Variants in CAPN1 observed in about 807,000 individuals in gnomAD.
CAPN1 encodes the protein calpain-1 catalytic subunit.
Under a neutral mutation model 105.2 loss-of-function variants are expected in CAPN1, and 77 were observed. That is an observed-to-expected ratio of 0.73 (90% CI 0.61 to 0.88). The LOEUF (loss-of-function observed/expected upper bound fraction) is 0.88. Ranked by LOEUF, CAPN1 falls within the 40% of genes least tolerant of loss-of-function variation. CAPN1 has a pLI of 0.00. For synonymous variants in CAPN1, 355 were observed against 388.8 expected (o/e 0.91, Z 1.02); for missense variants, 833 against 976.6 (o/e 0.85, Z 1.96).
Position 65,187,888 on chromosome 11 carries a change from T to G in CAPN1, c.844-67T>G, listed in dbSNP as rs1590851028. The G allele has an allele frequency of 2.6e-6, 3 of 1,156,992 alleles. No homozygotes were observed. In the East Asian group the frequency reaches 7.9e-5, roughly 30 times the overall value. 71.7% of individuals were successfully genotyped at this position (1,156,992 alleles called of 1,614,324 possible). On this transcript the variant is annotated intron_variant, in intron 7 of 21. Transcript: ENST00000279247. ...GCCTGGGTGACAGAGCAAGACTCTG[T>G]CTCAAAAAAGAAAAAAAAAAAAAGT...
upstream of CAPN1, chr11:65,181,857 G>A (rs1217700784): frequency 5.9e-6 from 1 of 169,238 alleles, no homozygotes; most frequent in Non-Finnish European, 1.3e-5. The surrounding 1 kb of genome is among the most constrained non-coding windows in gnomAD (Gnocchi z 4.6). Flanking sequence ...GGAGCCCCAG[G>A]AGGAGGAGGA....
chr11:65,186,561 T>A (rs1948637110), intron 6 of CAPN1, among the ~76,000 whole-genome samples: 1 of 151,992 alleles, frequency 6.6e-6, no homozygotes, highest in African/African-American at 2.4e-5. Flanking sequence ...ACACCTCAGC[T>A]CTTTCCTGTG....
intron 12 of CAPN1, 52 bp from the exon 13 acceptor site, chr11:65,206,411 A>AG: frequency 6.8e-7 from 1 of 1,460,800 alleles, no homozygotes; most frequent in Non-Finnish European, 9.6e-7. Flanking sequence ...GTGGCCCCTG[A>AG]GGGTGGGCTG....
In CAPN1 at chr11:65,187,268, C is replaced by T. The variant is rs1459397523; in HGVS notation, c.813C>T (p.Gly271=). The T allele has an allele frequency of 1.9e-6, 3 of 1,613,096 alleles. No individual in the cohort carries two copies. Among genetic ancestry groups the T allele is most frequent in the Non-Finnish European group, 2.5e-6 (3 of 1,179,442 alleles). Residue 271 remains glycine (G), a synonymous_variant, in exon 7 of 22, where the codon GGC becomes GGT. Coordinates refer to ENST00000279247, the MANE Select transcript of CAPN1 (RefSeq NM_005186.4). ...TCACTTTCAAGAAGTTGGTGAAGGG[C>T]CATGCCTACTCTGTGACCGGGGCCA... ...EAITFKKLVK[G]HAYSVTGAKQ...
At position 65,208,489 on chromosome 11, in the gene CAPN1, G is replaced by T; in HGVS notation, c.1729+227G>T. On this transcript the variant is annotated intron_variant, in intron 16 of 21. Transcript: ENST00000279247. The surrounding 1 kb of genome is among the most constrained non-coding windows in gnomAD (Gnocchi z 4.1). Reference sequence around the variant, plus strand: ...GTGCTGTGCCTTTGTGGGATTAGCAGCGCAGCCTGGCCAGGCACAGTGGCT... The same window carrying T: ...GTGCTGTGCCTTTGTGGGATTAGCATCGCAGCCTGGCCAGGCACAGTGGCT... The T allele has an allele frequency of 1.7e-6, 1 of 596,126 alleles. No homozygotes were observed. The highest frequency in any genetic ancestry group is 2.7e-5 in the Admixed American group (1 of 37,076). The allele number at this position is 596,126 out of a possible 1,614,324, so 36.9% of individuals were successfully genotyped here. A position where few individuals can be genotyped will look rare whatever the true frequency, so the allele number is the denominator to read the frequency against.
At position 65,208,091 on chromosome 11, in the gene CAPN1, A is replaced by G; in HGVS notation, c.1642A>G (p.Lys548Glu). 6.2e-7 allele frequency: 1 copy of G among 1,607,450 alleles called. No homozygotes were observed. The highest frequency in any genetic ancestry group is 1.1e-5 in the South Asian group (1 of 89,522). The change falls in exon 15 of 22, where the codon AAG becomes GAG. Residue 548 changes from lysine to glutamate, a missense_variant. By Grantham distance (56) the Lys-to-Glu change is moderately conservative (BLOSUM62 1). Coordinates refer to ENST00000279247, the MANE Select transcript of CAPN1 (RefSeq NM_005186.4). The surrounding 1 kb of genome is among the most constrained non-coding windows in gnomAD (Gnocchi z 4.1). ...AGAAGAGGAGATTGACGAGAACTTC[A>G]AGGCCCTCTTCAGGCAGCTGGCAGG... is the stretch of plus-strand genomic sequence containing the variant. ...LSEEEIDENF[K>E]ALFRQLAGED...
chr11:65,183,126 A>T lies in CAPN1; in HGVS notation c.268-2A>T. On this transcript the variant is annotated splice_acceptor_variant, in intron 2 of 21. Coordinates refer to ENST00000279247, the MANE Select transcript of CAPN1 (RefSeq NM_005186.4). LOFTEE classifies it high-confidence loss of function. ...AGGAACAGGACTCTGGGTCTCTCGT[A>T]GGAACTGCTGTCAAACCCCCAGTTC... The T allele has an allele frequency of 6.2e-7, 1 of 1,613,878 alleles. No homozygotes were observed.
intron 10 of CAPN1, among the ~76,000 whole-genome samples, chr11:65,193,175 T>A (rs1347768362): frequency 6.8e-6 from 1 of 146,428 alleles, no homozygotes; most frequent in Non-Finnish European, 1.5e-5. Context: ...GTATTTTTAG[T>A]AGAGATGGGG....
At chr11:65,187,846 C>T (rs377421335) in intron 7 of CAPN1, 109 bp from the exon 8 acceptor site, 28 of 726,766 alleles carry the variant, frequency 3.9e-5, no homozygotes, top group Middle Eastern at 3.7e-4. Flanking sequence ...GAGCTGAGAT[C>T]GCACCACTGC....
chr11:65,188,755 G>A lies in CAPN1; in HGVS notation c.1165+9G>A. 12 of 1,553,696 alleles carry A rather than the reference G, an allele frequency of 7.7e-6. No homozygotes were observed. Among genetic ancestry groups the A allele is most frequent in the Non-Finnish European group, 9.6e-6 (11 of 1,148,420 alleles). On this transcript the variant is annotated intron_variant, in intron 10 of 21. Coordinates refer to ENST00000279247, the MANE Select transcript of CAPN1 (RefSeq NM_005186.4). This position sits in a 1 kb window ranked among gnomAD's most constrained non-coding sequence, Gnocchi z 5.5. ...CTGCCGAAACTACCCAGGTGCACAG[G>A]GGCGGGCTCTGGGTCTTGCTGCTTC...
chr11:65,210,395 C>T lies in CAPN1; in HGVS notation c.2002C>T (p.Leu668=). The change falls in exon 20 of 22, where the codon CTG becomes TTG. Residue 668 remains leucine, a synonymous_variant. Transcript: ENST00000279247. This position sits in a 1 kb window ranked among gnomAD's most constrained non-coding sequence, Gnocchi z 4.3. ...CATCACCCGCTACTCGGAGCCCGACCTGGCGGTCGACTTTGACAATTTCGT... is the reference window on the plus strand; with the variant it reads ...CATCACCCGCTACTCGGAGCCCGACTTGGCGGTCGACTTTGACAATTTCGT... ...LIITRYSEPD[L]AVDFDNFVCC... 1 of 1,613,466 alleles carries T rather than the reference C, an allele frequency of 6.2e-7. No individual in the cohort carries two copies. The highest frequency in any genetic ancestry group is 8.5e-7 in the Non-Finnish European group (1 of 1,179,782).
Position 65,211,678 on chromosome 11 carries a change from T to G in CAPN1, c.*392T>G. On this transcript the variant is annotated 3_prime_UTR_variant, in exon 22 of 22. Transcript: ENST00000279247. Reference sequence around the variant, plus strand: ...CCTGCAGACTATAAACTATAACCACTAGCTCGACACAGTCTGCAGTCCAGG... The same window carrying G: ...CCTGCAGACTATAAACTATAACCACGAGCTCGACACAGTCTGCAGTCCAGG... 2.4e-5 allele frequency: 6 copies of G among 247,256 alleles called. No homozygotes were observed. The highest frequency in any genetic ancestry group is 3.3e-5 in the Non-Finnish European group (4 of 122,704). 15.3% of individuals were successfully genotyped at this position (247,256 alleles called of 1,614,324 possible). A position where few individuals can be genotyped will look rare whatever the true frequency, so the allele number is the denominator to read the frequency against.
chr11:65,197,635 C>G (rs1948809771), intron 10 of CAPN1, among the ~76,000 whole-genome samples: 1 of 152,002 alleles, frequency 6.6e-6, no homozygotes, highest in South Asian at 2.1e-4. Flanking sequence ...GCCTGTAATC[C>G]CAGAACTTTG....
rs1049953710 is a variant in CAPN1 at position 65,210,008 on chromosome 11, G to A, written c.1864-10G>A. The A allele has an allele frequency of 3.1e-6, 5 of 1,612,956 alleles. No individual in the cohort carries two copies. The highest frequency in any genetic ancestry group is 1.6e-4 in the Middle Eastern group (1 of 6,078). On this transcript the variant is annotated splice_polypyrimidine_tract_variant and intron_variant, in intron 18 of 21. Transcript: ENST00000279247. The surrounding 1 kb of genome is among the most constrained non-coding windows in gnomAD (Gnocchi z 4.3). ...CTCAGCCTGGCCCTCACCCTCTGCC[G>A]CCACCTCAGTCCATCTTCCGGAAGT... is the stretch of plus-strand genomic sequence containing the variant.
rs1166381981 is a variant in CAPN1 at position 65,188,548 on chromosome 11, T to TGACGGGCTGTGCCTC, written c.1005-37_1005-23dup. On this transcript the variant is annotated intron_variant, in intron 9 of 21. Coordinates refer to ENST00000279247, the MANE Select transcript of CAPN1 (RefSeq NM_005186.4). This position sits in a 1 kb window ranked among gnomAD's most constrained non-coding sequence, Gnocchi z 5.5. ...ACCCCTACACATCAGCTCTGTGCCC[T>TGACGGGCTGTGCCTC]GACGGGCTGTGCCTCACCTGTGTAC... 6.2e-7 allele frequency: 1 copy of TGACGGGCTGTGCCTC among 1,613,152 alleles called. No homozygotes were observed. The highest frequency in any genetic ancestry group is 1.3e-5 in the African/African-American group (1 of 74,920).
chr11:65,203,200 T>TC (rs1948897499), intron 10 of CAPN1, among the ~76,000 whole-genome samples: 1 of 68,236 alleles, frequency 1.5e-5, no homozygotes, highest in Non-Finnish European at 3.7e-5. Flanking sequence ...CATTCTCTCT[T>TC]TTTTTTTTTA....
chr11:65,185,788 T>A, intron 4 of CAPN1, 129 bp from the exon 5 acceptor site: 2 of 937,110 alleles, frequency 2.1e-6, no homozygotes, highest in Non-Finnish European at 3.1e-6. Context: ...CTAATTTACA[T>A]GATTTAGTCT....
chr11:65,206,417 G>A (rs770930770), intron 12 of CAPN1, 46 bp from the exon 13 acceptor site: 1 of 1,518,054 alleles, frequency 6.6e-7, no homozygotes, highest in South Asian at 1.1e-5. Context: ...CCTGAGGGTG[G>A]GCTGAGTGGG....
chr11:65,182,558 C>T, intron 1 of CAPN1, 143 bp from the exon 2 acceptor site: 4 of 874,918 alleles, frequency 4.6e-6, no homozygotes, highest in Non-Finnish European at 6.7e-6. Flanking sequence ...GAGAACCCTA[C>T]TTCTGTGAGG....
Sources: gnomAD v4.1 joint callset for allele counts (sites outside exome capture counted in the v4.1 genomes callset) on GRCh38, gnomAD v4.1.1 for gene constraint, Gnocchi (gnomAD v3.1) non-coding constraint, MANE v1.5 for transcripts, NCBI Gene and HGNC (gene_info 2026-07-23, HGNC 2026-07-21) for gene names.